SYT1: variants seen among roughly 807,000 people sequenced by gnomAD.
The protein encoded by SYT1 is synaptotagmin 1, also known as synaptotagmin-1.
In SYT1, 8 loss-of-function variants were observed where a neutral mutation model predicts 44.8. That is an observed-to-expected ratio of 0.18 (90% CI 0.10 to 0.32). The LOEUF (loss-of-function observed/expected upper bound fraction) is 0.32. Ranked by LOEUF, SYT1 falls within the 10% of genes least tolerant of loss-of-function variation. The probability of loss-of-function intolerance (pLI) is 1.00; values close to 1 mark genes in which losing one functional copy is unlikely to be tolerated. For synonymous variants in SYT1, 154 were observed against 188.8 expected, an observed-to-expected ratio of 0.82 and a Z score of 1.51; for missense variants, 286 against 509.3, an observed-to-expected ratio of 0.56 and a Z score of 4.22.
At chr12:79,231,763 A>G (rs1167981053) in intron 4 of SYT1, among the ~76,000 whole-genome samples, 1 of 152,240 alleles carries the variant, frequency 6.6e-6, no homozygotes, top group African/African-American at 2.4e-5. Context: ...ATTTTAAATC[A>G]GTTAACTATT....
intron 3 of SYT1, among the ~76,000 whole-genome samples, chr12:79,096,960 A>G (rs1215728926): frequency 6.6e-6 from 1 of 152,046 alleles, no homozygotes; most frequent in Non-Finnish European, 1.5e-5. Flanking sequence ...ACAGAAGGGC[A>G]CAATAGCAAG....
chr12:79,270,371 A>G (rs1208366566), intron 4 of SYT1, among the ~76,000 whole-genome samples: 1 of 152,216 alleles, frequency 6.6e-6, no homozygotes, highest in Non-Finnish European at 1.5e-5. Flanking sequence ...TTCATAAGAC[A>G]AAATAGAGAT....
chr12:79,291,049 G>T (rs1262533185), intron 5 of SYT1, among the ~76,000 whole-genome samples: 1 of 151,968 alleles, frequency 6.6e-6, no homozygotes, highest in Admixed American at 6.6e-5. Flanking sequence ...TATAACCTTT[G>T]ATATTTTTAG....
intron 3 of SYT1, among the ~76,000 whole-genome samples, chr12:79,171,503 T>C (rs914330117): frequency 6.6e-6 from 1 of 152,060 alleles, no homozygotes; most frequent in Non-Finnish European, 1.5e-5. Context: ...ACTAAATAAC[T>C]ATAGAAGAGG....
chr12:79,368,894 T>G (rs1000793984), intron 9 of SYT1, among the ~76,000 whole-genome samples: 4 of 152,238 alleles, frequency 2.6e-5, no homozygotes, highest in Admixed American at 2.0e-4. Flanking sequence ...CAGAAGCTCT[T>G]TAGTTTAATT....
chr12:79,121,800 G>T (rs1194831433), intron 3 of SYT1, among the ~76,000 whole-genome samples: 1 of 152,204 alleles, frequency 6.6e-6, no homozygotes, highest in Admixed American at 6.5e-5. Flanking sequence ...ATCTTGTATA[G>T]AGAACTCAAG....
intron 4 of SYT1, among the ~76,000 whole-genome samples, chr12:79,265,568 C>A (rs1878080394): frequency 6.6e-6 from 1 of 151,950 alleles, no homozygotes; most frequent in Non-Finnish European, 1.5e-5. Flanking sequence ...CAAAAGAATG[C>A]CAGAATATAT....
intron 3 of SYT1, among the ~76,000 whole-genome samples, chr12:79,167,842 G>C (rs1871304935): frequency 6.6e-6 from 1 of 152,040 alleles, no homozygotes; most frequent in Admixed American, 6.6e-5. Context: ...GAATGGGGTG[G>C]TTTGGGAATG....
At chr12:79,339,043 C>T (rs1329020213) in intron 8 of SYT1, among the ~76,000 whole-genome samples, 12 of 152,150 alleles carry the variant, frequency 7.9e-5, no homozygotes, top group East Asian at 5.8e-4. Flanking sequence ...GTATATGTGC[C>T]GCATTTTCTT....
intron 3 of SYT1, among the ~76,000 whole-genome samples, chr12:79,145,651 TG>T (rs1421842009): frequency 6.6e-6 from 1 of 152,208 alleles, no homozygotes; most frequent in Non-Finnish European, 1.5e-5. Flanking sequence ...GTGGCACAAA[TG>T]TTTTATATAA....
chr12:79,314,168 C>CAAAAAAAAAA (rs34951756), intron 8 of SYT1, among the ~76,000 whole-genome samples: 7 of 67,300 alleles, frequency 1.0e-4, no homozygotes, highest in African/African-American at 4.4e-4. Context: ...GACTCCGTCT[C>CAAAAAAAAAA]AAAAAAAAAA....
chr12:78,947,167 C>A lies in SYT1; in HGVS notation c.-216-30632C>A, dbSNP rs373492032. Among the ~76,000 whole-genome samples, 16 of 152,288 alleles carry A rather than the reference C, an allele frequency of 1.1e-4. 1 individual carries two copies. The highest frequency in any genetic ancestry group is 5.8e-4 in the East Asian group (3 of 5,186). On this transcript the variant is annotated intron_variant, in intron 1 of 10. Transcript: ENST00000261205. ...ATTTGCAACTACTTTCCCCTGCTATCTTGGTTGCTTCCTGTTCTCACAGAA... is the reference window on the plus strand; with the variant it reads ...ATTTGCAACTACTTTCCCCTGCTATATTGGTTGCTTCCTGTTCTCACAGAA...
intron 9 of SYT1, among the ~76,000 whole-genome samples, chr12:79,430,071 A>T (rs2251214): frequency 2.0e-5 from 3 of 152,078 alleles, no homozygotes; most frequent in African/African-American, 7.2e-5. Context: ...TAAGCATACC[A>T]CTATCCAAAT....
intron 3 of SYT1, among the ~76,000 whole-genome samples, chr12:79,139,233 G>C (rs1869400424): frequency 6.6e-6 from 1 of 152,164 alleles, no homozygotes; most frequent in Non-Finnish European, 1.5e-5. Flanking sequence ...AGATAGGAAT[G>C]AAGGCAAAAC....
intron 3 of SYT1, among the ~76,000 whole-genome samples, chr12:79,064,521 T>C (rs1875617650): frequency 1.3e-5 from 2 of 152,142 alleles, no homozygotes; most frequent in Admixed American, 1.3e-4. Context: ...ATTTCCACTT[T>C]TATATATGTG....
intron 2 of SYT1, among the ~76,000 whole-genome samples, chr12:79,027,044 C>T (rs1420575335): frequency 6.6e-6 from 1 of 151,422 alleles, no homozygotes; most frequent in Non-Finnish European, 1.5e-5. Context: ...CAGTATAGCC[C>T]ACTTGTGGAT....
chr12:79,422,963 C>G (rs1161501707), intron 9 of SYT1, among the ~76,000 whole-genome samples: 2 of 152,078 alleles, frequency 1.3e-5, no homozygotes, highest in Non-Finnish European at 2.9e-5. Context: ...CCACTTCTGT[C>G]CAATAGCCAA....
chr12:79,271,379 A>T (rs1041839494), intron 4 of SYT1, among the ~76,000 whole-genome samples: 3 of 152,198 alleles, frequency 2.0e-5, no homozygotes, highest in African/African-American at 7.2e-5. Context: ...GCTTCACAAT[A>T]GTTGTATCCC....
chr12:79,267,894 A>T (rs1223966794), intron 4 of SYT1, among the ~76,000 whole-genome samples: 1 of 152,186 alleles, frequency 6.6e-6, no homozygotes, highest in African/African-American at 2.4e-5. Context: ...CAATACTGTG[A>T]AGATATAGAT....
Sources: allele counts gnomAD v4.1 joint callset (sites outside exome capture counted in the v4.1 genomes callset), GRCh38; gene constraint gnomAD v4.1.1; transcripts MANE v1.5; gene names NCBI Gene and HGNC (gene_info 2026-07-23, HGNC 2026-07-21).